Variants in TRPC6 observed in about 807,000 individuals in gnomAD.
The protein encoded by TRPC6 is transient receptor potential cation channel subfamily C member 6.
A neutral mutation model predicts 90.7 loss-of-function variants in TRPC6; 55 were observed. The observed-to-expected ratio is 0.61, with a 90% CI of 0.49 to 0.76. TRPC6 has a LOEUF of 0.76. Ranked by LOEUF, TRPC6 falls within the 30% of genes least tolerant of loss-of-function variation. The pLI, the probability that TRPC6 is intolerant of heterozygous loss-of-function variation, is 0.00. For synonymous variants in TRPC6, 393 were observed against 393.0 expected (o/e 1.00, Z 0.00); for missense variants, 989 against 1,122.7 (o/e 0.88, Z 1.70).
At chr11:101,498,043 G>A (rs1005547382) in intron 2 of TRPC6, among the ~76,000 whole-genome samples, 5 of 152,184 alleles carry the variant, frequency 3.3e-5, no homozygotes, top group African/African-American at 1.2e-4. Context: ...GAATGCTGGG[G>A]AATGTGTTTG....
At chr11:101,505,984 C>T (rs1860252878) in intron 1 of TRPC6, among the ~76,000 whole-genome samples, 1 of 147,744 alleles carries the variant, frequency 6.8e-6, no homozygotes, top group South Asian at 2.2e-4. Context: ...TGCACTCCAG[C>T]CTGGGTGATA....
chr11:101,553,988 CT>C (rs1861506796), intron 1 of TRPC6, among the ~76,000 whole-genome samples: 1 of 152,108 alleles, frequency 6.6e-6, no homozygotes, highest in Non-Finnish European at 1.5e-5. Context: ...TTCACACATG[CT>C]TTAAATGCTA....
intron 1 of TRPC6, among the ~76,000 whole-genome samples, chr11:101,545,533 G>C (rs1719581702): frequency 6.6e-6 from 1 of 152,146 alleles, no homozygotes; most frequent in Non-Finnish European, 1.5e-5. Context: ...ACATTAGCTA[G>C]TTTTGTAATC....
At chr11:101,494,518 C>T (rs942263190) in intron 2 of TRPC6, among the ~76,000 whole-genome samples, 1 of 152,124 alleles carries the variant, frequency 6.6e-6, no homozygotes, top group East Asian at 1.9e-4. Context: ...GGAGCTGAGA[C>T]AAAATTTAAC....
intron 5 of TRPC6, among the ~76,000 whole-genome samples, chr11:101,478,688 G>A (rs1462905031): frequency 6.6e-6 from 1 of 152,142 alleles, no homozygotes; most frequent in Non-Finnish European, 1.5e-5. Context: ...CCCCAGGCAG[G>A]AGACTTCACA....
At chr11:101,483,558 G>T (rs181493020) in intron 4 of TRPC6, among the ~76,000 whole-genome samples, 2 of 152,260 alleles carry the variant, frequency 1.3e-5, no homozygotes, top group African/African-American at 2.4e-5. Flanking sequence ...ACTTTGCCAG[G>T]TATAGAACCT....
At chr11:101,557,235 AT>A (rs2136855460) in intron 1 of TRPC6, among the ~76,000 whole-genome samples, 1 of 152,212 alleles carries the variant, frequency 6.6e-6, no homozygotes, top group East Asian at 1.9e-4. Context: ...CATGCCTGTA[AT>A]CCCAGCTACC....
At position 101,583,537 on chromosome 11, in the gene TRPC6, C is replaced by G. The variant is rs1479351699; in HGVS notation, c.-34G>C. ...CGCCCGACTGGCCTGGGCCCCGCTC[C>G]CGGGGGAGCCGAGTGGGCAGTTCCA... On this transcript the variant is annotated 5_prime_UTR_variant, in exon 1 of 13. Transcript: ENST00000344327. 1.4e-6 allele frequency: 2 copies of G among 1,417,542 alleles called. No homozygotes were observed. Among genetic ancestry groups the G allele is most frequent in the African/African-American group, 3.0e-5 (2 of 66,438 alleles). The allele number at this position is 1,417,542 out of a possible 1,614,324, so 87.8% of individuals were successfully genotyped here.
Position 101,535,763 on chromosome 11 carries a change from T to C in TRPC6, c.171-30965A>G, listed in dbSNP as rs191617657. On this transcript the variant is annotated intron_variant, in intron 1 of 12. Coordinates refer to ENST00000344327, the MANE Select transcript of TRPC6 (RefSeq NM_004621.6). Reference sequence around the variant, plus strand: ...TAAAATACTGTGTAGATAAATGAAATGACCTACCTGGAAAAATTTTAATAA... The same window carrying C: ...TAAAATACTGTGTAGATAAATGAAACGACCTACCTGGAAAAATTTTAATAA... Among the ~76,000 whole-genome samples the C allele has an allele frequency of 4.2e-4, 64 of 152,284 alleles. 1 individual carries two copies. In the East Asian group the frequency reaches 0.011, roughly 26 times the overall value.
intron 1 of TRPC6, among the ~76,000 whole-genome samples, chr11:101,532,861 GTTC>G (rs974504730): frequency 5.3e-5 from 8 of 152,080 alleles, no homozygotes; most frequent in African/African-American, 1.9e-4. Context: ...AAGAACAAAG[GTTC>G]TTGAGACTAT....
At chr11:101,509,181 C>T (rs569180720) in intron 1 of TRPC6, among the ~76,000 whole-genome samples, 10 of 151,318 alleles carry the variant, frequency 6.6e-5, no homozygotes, top group East Asian at 1.9e-4. Context: ...TTACTATAGC[C>T]GCAACCTCCC....
chr11:101,472,678 A>G (rs1407963078), intron 7 of TRPC6, among the ~76,000 whole-genome samples: 1 of 152,144 alleles, frequency 6.6e-6, no homozygotes, highest in Non-Finnish European at 1.5e-5. Flanking sequence ...CTCCTGATCT[A>G]TACTTCTACT....
intron 10 of TRPC6, among the ~76,000 whole-genome samples, chr11:101,461,171 A>C (rs1858995856): frequency 6.6e-6 from 1 of 152,208 alleles, no homozygotes; most frequent in East Asian, 1.9e-4. Context: ...GGCTTTGAGA[A>C]ATTAAATCAT....
chr11:101,510,242 A>G (rs7109127), intron 1 of TRPC6, among the ~76,000 whole-genome samples: 74,578 of 151,932 alleles, frequency 0.49, 18,719 homozygotes, highest in African/African-American at 0.55. Flanking sequence ...TAAGTAACAG[A>G]TATTTGAAAG....
At chr11:101,453,766 TTCA>T in intron 11 of TRPC6, 41 bp from the exon 12 acceptor site, 1 of 1,578,630 alleles carries the variant, frequency 6.3e-7, no homozygotes, top group Non-Finnish European at 8.7e-7. Flanking sequence ...CAGTTTCAGG[TTCA>T]TGACAAATCT....
chr11:101,567,537 A>C (rs961625176), intron 1 of TRPC6, among the ~76,000 whole-genome samples: 2 of 152,206 alleles, frequency 1.3e-5, no homozygotes, highest in East Asian at 3.9e-4. Context: ...CTATCTCCGC[A>C]AGTGGTTCCC....
At chr11:101,573,920 A>AG (rs1862016895) in intron 1 of TRPC6, among the ~76,000 whole-genome samples, 4 of 63,848 alleles carry the variant, frequency 6.3e-5, no homozygotes, top group Admixed American at 1.4e-4. Flanking sequence ...AGAAACAAAT[A>AG]CGTGTGTGTG....
chr11:101,558,894 T>C (rs897644037), intron 1 of TRPC6, among the ~76,000 whole-genome samples: 2 of 152,042 alleles, frequency 1.3e-5, no homozygotes, highest in African/African-American at 4.8e-5. Context: ...GATTTAAACA[T>C]AAGATCAAAA....
At position 101,469,448 on chromosome 11, in the gene TRPC6, T is replaced by G. The variant is rs199948731; in HGVS notation, c.2463A>C (p.Lys821Asn). Reference protein sequence around the residue: ...GILGSHEDLSKLSLDKKQVGH... With the variant: ...GILGSHEDLSNLSLDKKQVGH... ...TTACCTGTTTTTTGTCAAGTGATAA[T>G]TTTGAAAGGTCTTCATGACTTCCTA... The change falls in exon 10 of 13, where the codon AAA becomes AAC. Residue 821 changes from lysine (K) to asparagine (N), a missense_variant. Lys to Asn is a moderately conservative substitution (Grantham distance 94). Coordinates refer to ENST00000344327, the MANE Select transcript of TRPC6 (RefSeq NM_004621.6). 1.2e-5 allele frequency: 9 copies of G among 773,152 alleles called. No individual in the cohort carries two copies. Among genetic ancestry groups the G allele is most frequent in the Non-Finnish European group, 1.7e-5 (7 of 413,926 alleles). The allele number at this position is 773,152 out of a possible 1,614,324, so 47.9% of individuals were successfully genotyped here.
Sources: gnomAD v4.1 joint callset for allele counts (sites outside exome capture counted in the v4.1 genomes callset) on GRCh38, gnomAD v4.1.1 for gene constraint, MANE v1.5 for transcripts, NCBI Gene and HGNC (gene_info 2026-07-23, HGNC 2026-07-21) for gene names.